The following PPP2R2B variants were observed in gnomAD, a reference collection of about 807,000 sequenced individuals.
PPP2R2B encodes serine/threonine-protein phosphatase 2A 55 kDa regulatory subunit B beta isoform.
Under a neutral mutation model 46.0 loss-of-function variants are expected in PPP2R2B, and 5 were observed. The observed-to-expected ratio is 0.11, with a 90% CI of 0.06 to 0.23. PPP2R2B has a LOEUF of 0.23. PPP2R2B is among the 10% of genes least tolerant of loss of function. PPP2R2B has a pLI of 1.00. For missense variants in PPP2R2B, 367 were observed against 575.0 expected, an observed-to-expected ratio of 0.64 and a Z score of 3.70; for synonymous variants, 215 against 206.7, an observed-to-expected ratio of 1.04 and a Z score of -0.34.
chr5:146,745,851 G>C (rs1007267564), intron 2 of PPP2R2B, among the ~76,000 whole-genome samples: 1 of 152,090 alleles, frequency 6.6e-6, no homozygotes, highest in Non-Finnish European at 1.5e-5. Flanking sequence ...CCAGCTACTT[G>C]GGAGGCTGAG....
chr5:147,043,330 G>T (rs1756399992), intron 1 of PPP2R2B, among the ~76,000 whole-genome samples: 1 of 152,040 alleles, frequency 6.6e-6, no homozygotes, highest in East Asian at 1.9e-4. Context: ...GGTAATTATG[G>T]TTAAATGAGG....
At chr5:146,642,627 T>C in intron 6 of PPP2R2B, among the ~76,000 whole-genome samples, 1 of 152,154 alleles carries the variant, frequency 6.6e-6, no homozygotes, top group East Asian at 1.9e-4. Context: ...ACTCTGAAAA[T>C]GATGAGCTAA....
upstream of PPP2R2B, chr5:146,878,995 C>A (rs964520058): frequency 4.0e-6 from 4 of 1,012,440 alleles, no homozygotes; most frequent in Non-Finnish European, 5.0e-6. The surrounding 1 kb of genome is among the most constrained non-coding windows in gnomAD (Gnocchi z 4.5). Flanking sequence ...CGCCACTCAG[C>A]TAAGGGCCAC....
intron 2 of PPP2R2B, among the ~76,000 whole-genome samples, chr5:147,062,538 A>C (rs1474351636): frequency 6.6e-6 from 1 of 152,146 alleles, no homozygotes; most frequent in Non-Finnish European, 1.5e-5. Flanking sequence ...GTTTACACAG[A>C]GACATTAAAT....
chr5:146,786,490 A>G (rs1439296890), intron 2 of PPP2R2B, among the ~76,000 whole-genome samples: 1 of 152,158 alleles, frequency 6.6e-6, no homozygotes, highest in Non-Finnish European at 1.5e-5. Flanking sequence ...GGCTGTACCC[A>G]CCTGGGCCTC....
chr5:146,742,658 T>C (rs1189268895), intron 2 of PPP2R2B, among the ~76,000 whole-genome samples: 1 of 152,184 alleles, frequency 6.6e-6, no homozygotes, highest in Non-Finnish European at 1.5e-5. Context: ...ATAATTATTA[T>C]GGGTTGAATT....
chr5:146,667,155 A>C lies in PPP2R2B; in HGVS notation c.448-16431T>G, dbSNP rs750133449. ...TGGAGAAGACAATGGCAATGTTCTG[A>C]ATTCAGGCATGAGGGTGGGAGAGAC... On this transcript the variant is annotated intron_variant, in intron 5 of 9. Coordinates refer to ENST00000394411, the MANE Select transcript of PPP2R2B (RefSeq NM_181675.4). Among the ~76,000 whole-genome samples the C allele has an allele frequency of 3.9e-5, 6 of 152,146 alleles. No individual in the cohort carries two copies. In the East Asian group the frequency reaches 7.7e-4, roughly 20 times the overall value.
intron 2 of PPP2R2B, among the ~76,000 whole-genome samples, chr5:146,732,975 T>C (rs1385871569): frequency 2.0e-5 from 3 of 152,228 alleles, no homozygotes; most frequent in Non-Finnish European, 2.9e-5. Context: ...AACAATGCTA[T>C]CTATTGGCCA....
chr5:147,003,333 T>C (rs1754278057), intron 1 of PPP2R2B, among the ~76,000 whole-genome samples: 7 of 152,142 alleles, frequency 4.6e-5, no homozygotes, highest in Admixed American at 3.9e-4. Flanking sequence ...ATAGGTTATG[T>C]CCCCTTCAAG....
chr5:147,025,502 CTTAAG>C (rs944702467), intron 1 of PPP2R2B, among the ~76,000 whole-genome samples: 4 of 151,396 alleles, frequency 2.6e-5, no homozygotes, highest in African/African-American at 9.7e-5. Flanking sequence ...TCTTTATAAC[CTTAAG>C]TTAAGCAAAG....
intron 1 of PPP2R2B, among the ~76,000 whole-genome samples, chr5:146,901,676 A>C (rs898229240): frequency 6.6e-6 from 1 of 152,124 alleles, no homozygotes; most frequent in Non-Finnish European, 1.5e-5. Context: ...GTCTAGGAAG[A>C]TAATGAAGAG....
At chr5:146,620,811 T>C (rs754056194) in intron 7 of PPP2R2B, among the ~76,000 whole-genome samples, 2 of 152,162 alleles carry the variant, frequency 1.3e-5, no homozygotes, top group African/African-American at 2.4e-5. Context: ...TTTGTGCAGT[T>C]ACTCCAAGAG....
chr5:146,592,365 C>T (rs558712352), intron 9 of PPP2R2B, among the ~76,000 whole-genome samples: 10 of 152,318 alleles, frequency 6.6e-5, no homozygotes, highest in East Asian at 3.9e-4. Context: ...CATCAAGGAA[C>T]GAAATCAGCC....
At chr5:146,963,622 T>A (rs1752276228) in intron 1 of PPP2R2B, among the ~76,000 whole-genome samples, 1 of 152,186 alleles carries the variant, frequency 6.6e-6, no homozygotes, top group South Asian at 2.1e-4. Flanking sequence ...CACCTTCAAT[T>A]TCCTGTCTTC....
At chr5:147,050,579 G>T (rs1756759346) in intron 1 of PPP2R2B, among the ~76,000 whole-genome samples, 1 of 152,104 alleles carries the variant, frequency 6.6e-6, no homozygotes, top group South Asian at 2.1e-4. Context: ...TAACAGCTGT[G>T]TGAACTTAGA....
intron 2 of PPP2R2B, among the ~76,000 whole-genome samples, chr5:146,853,012 C>T (rs986133492): frequency 7.2e-5 from 11 of 152,052 alleles, no homozygotes; most frequent in Non-Finnish European, 1.2e-4. Context: ...GCTGAGCAGT[C>T]GTCACAGAGG....
rs187583171 is a variant in PPP2R2B at position 146,684,053 on chromosome 5, C to T, written c.447+7075G>A. 7.6e-4 allele frequency among the ~76,000 whole-genome samples: 116 copies of T among 152,158 alleles called. 1 individual carries two copies. Among genetic ancestry groups the T allele is most frequent in the Non-Finnish European group, 1.6e-3 (106 of 68,008 alleles). ...CACAAAGTTAATCTAATCCAGGAGC[C>T]GTTGGTGCCATTGCAAGCCTGTGAA... On this transcript the variant is annotated intron_variant, in intron 5 of 9. Coordinates refer to ENST00000394411, the MANE Select transcript of PPP2R2B (RefSeq NM_181675.4).
At chr5:146,662,570 T>C (rs999396474) in intron 5 of PPP2R2B, among the ~76,000 whole-genome samples, 6 of 152,220 alleles carry the variant, frequency 3.9e-5, no homozygotes, top group Non-Finnish European at 8.8e-5. Flanking sequence ...CACCTTGATA[T>C]TGAACTTTCC....
chr5:146,796,641 T>G (rs548770921), intron 2 of PPP2R2B, among the ~76,000 whole-genome samples: 11 of 152,134 alleles, frequency 7.2e-5, no homozygotes, highest in Non-Finnish European at 5.9e-5. Flanking sequence ...TAATAAGGAT[T>G]TGCTGAATGA....
Sources: gnomAD v4.1 joint callset for allele counts (sites outside exome capture counted in the v4.1 genomes callset) on GRCh38, gnomAD v4.1.1 for gene constraint, Gnocchi (gnomAD v3.1) non-coding constraint, MANE v1.5 for transcripts, NCBI Gene and HGNC (gene_info 2026-07-23, HGNC 2026-07-21) for gene names.